The following BICD1 variants were observed in gnomAD, a reference collection of about 807,000 sequenced individuals.
The protein encoded by BICD1 is protein bicaudal D homolog 1.
A neutral mutation model predicts 92.5 loss-of-function variants in BICD1; 35 were observed. That is an observed-to-expected ratio of 0.38 (90% CI 0.29 to 0.50). The LOEUF is 0.50. Among genes scored for constraint, BICD1 ranks in the 20% least tolerant of loss-of-function variants. BICD1 has a pLI of 0.93. For synonymous variants in BICD1, 429 were observed against 465.1 expected, an observed-to-expected ratio of 0.92 and a Z score of 1.00; for missense variants, 950 against 1,189.8, an observed-to-expected ratio of 0.80 and a Z score of 2.97.
chr12:32,222,908 A>G (rs1359113903), intron 2 of BICD1, among the ~76,000 whole-genome samples: 2 of 152,212 alleles, frequency 1.3e-5, no homozygotes, highest in African/African-American at 4.8e-5. Flanking sequence ...CCAGCACCTT[A>G]ATCTTAGATC....
intron 1 of BICD1, among the ~76,000 whole-genome samples, chr12:32,149,290 T>C (rs1943217179): frequency 6.6e-6 from 1 of 152,060 alleles, no homozygotes; most frequent in African/African-American, 2.4e-5. Context: ...ATAGAGGGGG[T>C]CCACTATGAA....
At chr12:32,295,770 A>T (rs1366875593) in intron 3 of BICD1, among the ~76,000 whole-genome samples, 2 of 151,000 alleles carry the variant, frequency 1.3e-5, no homozygotes, top group African/African-American at 2.4e-5. Context: ...CTCCTGCCTC[A>T]GCCTCCCGAG....
chr12:32,302,286 C>T (rs563506776), intron 3 of BICD1, among the ~76,000 whole-genome samples: 23 of 152,256 alleles, frequency 1.5e-4, no homozygotes, highest in South Asian at 6.2e-4. Context: ...AGTTTTATAA[C>T]GTGTTACAAG....
chr12:32,325,858 G>A (rs261895), intron 4 of BICD1, among the ~76,000 whole-genome samples: 124,697 of 151,590 alleles, frequency 0.82, 51,454 homozygotes, highest in East Asian at 0.87. Flanking sequence ...CGAGGTGGGC[G>A]GATCACGAGG....
intron 2 of BICD1, among the ~76,000 whole-genome samples, chr12:32,267,767 A>G (rs1479752516): frequency 6.6e-6 from 1 of 152,132 alleles, no homozygotes; most frequent in African/African-American, 2.4e-5. Context: ...ATCTGTTTCT[A>G]GGCTCTCTAT....
At chr12:32,302,931 CT>C (rs572736411) in intron 3 of BICD1, among the ~76,000 whole-genome samples, 177 of 57,528 alleles carry the variant, frequency 3.1e-3, no homozygotes, top group Non-Finnish European at 4.1e-3. Context: ...TAATGTATTT[CT>C]TTTTTTTTTT....
At chr12:32,149,676 A>G (rs2121422682) in intron 1 of BICD1, among the ~76,000 whole-genome samples, 1 of 152,336 alleles carries the variant, frequency 6.6e-6, no homozygotes, top group Non-Finnish European at 1.5e-5. Context: ...TGTGATCTTA[A>G]GAAGAGAGAG....
chr12:32,210,285 A>G (rs150864389), intron 1 of BICD1, among the ~76,000 whole-genome samples: 1 of 152,302 alleles, frequency 6.6e-6, no homozygotes, highest in East Asian at 1.9e-4. Context: ...TATTTTGTCT[A>G]ATGTCCCTGG....
intron 1 of BICD1, among the ~76,000 whole-genome samples, chr12:32,166,668 A>T (rs1303072546): frequency 6.6e-6 from 1 of 152,204 alleles, no homozygotes; most frequent in Non-Finnish European, 1.5e-5. Context: ...AAAGCTGTCC[A>T]CATTTGTAAG....
chr12:32,142,897 T>G (rs1186577054), intron 1 of BICD1, among the ~76,000 whole-genome samples: 1 of 149,204 alleles, frequency 6.7e-6, no homozygotes, highest in Non-Finnish European at 1.5e-5. Flanking sequence ...CAATTTGCAT[T>G]GCCTTTGCTG....
chr12:32,164,902 T>C (rs560176674), intron 1 of BICD1, among the ~76,000 whole-genome samples: 3 of 152,334 alleles, frequency 2.0e-5, no homozygotes, highest in South Asian at 2.1e-4. Flanking sequence ...TTATTTTTAA[T>C]GAGCTCCCTG....
chr12:32,323,768 T>C lies in BICD1; in HGVS notation c.1006-3693T>C, dbSNP rs75000531. Among the ~76,000 whole-genome samples, 18 of 152,326 alleles carry C rather than the reference T, an allele frequency of 1.2e-4. No homozygotes were observed. The East Asian group carries it at 3.5e-3, about 29-fold the overall frequency. On this transcript the variant is annotated intron_variant, in intron 4 of 9. Coordinates refer to ENST00000652176, the MANE Select transcript of BICD1 (RefSeq NM_001714.4). ...TACAGGCAGTCCTTGGTTTGCATAG[T>C]AGTCTGGGACAGTAAAAAATGGTCA... is the stretch of plus-strand genomic sequence containing the variant.
chr12:32,234,606 A>G (rs1442143769), intron 2 of BICD1, among the ~76,000 whole-genome samples: 5 of 146,734 alleles, frequency 3.4e-5, no homozygotes, highest in South Asian at 2.1e-4. Context: ...CAAAAAAAAA[A>G]AAAGAAAGAA....
intron 8 of BICD1, among the ~76,000 whole-genome samples, chr12:32,351,757 G>T (rs1249065228): frequency 6.6e-6 from 1 of 151,302 alleles, no homozygotes; most frequent in East Asian, 1.9e-4. Context: ...ACAAAAATTA[G>T]CTGGGCATGG....
At position 32,324,873 on chromosome 12, in the gene BICD1, C is replaced by T. The variant is rs375132749; in HGVS notation, c.1006-2588C>T. 8.0e-4 allele frequency among the ~76,000 whole-genome samples: 122 copies of T among 152,284 alleles called. 1 individual carries two copies. The South Asian group carries it at 0.023, about 29-fold the overall frequency. On this transcript the variant is annotated intron_variant, in intron 4 of 9. Coordinates refer to ENST00000652176, the MANE Select transcript of BICD1 (RefSeq NM_001714.4). ...GATTACAGGCATGAGCCACCACACCCGGCCATACTGTACTTTTTCATTTAA... is the reference window on the plus strand; with the variant it reads ...GATTACAGGCATGAGCCACCACACCTGGCCATACTGTACTTTTTCATTTAA...
chr12:32,244,273 G>T (rs114791478), intron 2 of BICD1, among the ~76,000 whole-genome samples: 32 of 152,194 alleles, frequency 2.1e-4, no homozygotes, highest in African/African-American at 7.7e-4. Flanking sequence ...TCAGTATGAC[G>T]GAGCTTTTCT....
intron 4 of BICD1, among the ~76,000 whole-genome samples, chr12:32,307,213 T>C (rs1347990044): frequency 6.6e-6 from 1 of 152,106 alleles, no homozygotes; most frequent in Non-Finnish European, 1.5e-5. Flanking sequence ...GTAAAGGACT[T>C]CCTATGTACA....
rs1235554849 is a variant in BICD1 at position 32,282,199 on chromosome 12, CTTCTTTTTTTTTTTTTT to C, written c.427-11792_427-11776del. Among the ~76,000 whole-genome samples the C allele has an allele frequency of 2.9e-4, 20 of 69,018 alleles. 1 individual carries two copies. In the South Asian group the frequency reaches 8.6e-3, roughly 30 times the overall value. 45.3% of individuals were successfully genotyped at this position (69,018 alleles called of 152,430 possible). A position where few individuals can be genotyped will look rare whatever the true frequency, so the allele number is the denominator to read the frequency against. ...AAAGCAAGACCCAGCTTCAGGTCTT[CTTCTTTTTTTTTTTTTT>C]TTTTTTTTTTTTTTTTTTTTTTGAC... On this transcript the variant is annotated intron_variant, in intron 2 of 9. Transcript: ENST00000652176.
intron 2 of BICD1, among the ~76,000 whole-genome samples, chr12:32,278,715 G>A (rs930047712): frequency 1.3e-5 from 2 of 152,166 alleles, no homozygotes; most frequent in Non-Finnish European, 2.9e-5. Context: ...AATTAGCCGG[G>A]CGTGTTGGCG....
Sources: allele counts gnomAD v4.1 joint callset (sites outside exome capture counted in the v4.1 genomes callset), GRCh38; gene constraint gnomAD v4.1.1; transcripts MANE v1.5; gene names NCBI Gene and HGNC (gene_info 2026-07-23, HGNC 2026-07-21).